PEPD: variants seen among roughly 807,000 people sequenced by gnomAD.
The protein encoded by PEPD is xaa-Pro dipeptidase.
A neutral mutation model predicts 60.7 loss-of-function variants in PEPD; 53 were observed. The observed-to-expected ratio is 0.87, with a 90% CI of 0.70 to 1.10. The LOEUF (loss-of-function observed/expected upper bound fraction) is 1.10. Ranked by LOEUF, PEPD falls within the 50% of genes least tolerant of loss-of-function variation. The probability of loss-of-function intolerance (pLI) is 0.00; values close to 1 mark genes in which losing one functional copy is unlikely to be tolerated. For missense variants in PEPD, 711 were observed against 711.9 expected (o/e 1.00, Z 0.01); for synonymous variants, 267 against 284.1 (o/e 0.94, Z 0.60).
intron 3 of PEPD, 129 bp downstream of exon 3, chr19:33,510,899 T>C: frequency 1.0e-6 from 1 of 957,090 alleles, no homozygotes; most frequent in Non-Finnish European, 1.6e-6. Flanking sequence ...CCTGACCGCA[T>C]GCCCTTCCTC....
At chr19:33,486,521 A>T (rs1167029025) in intron 6 of PEPD, among the ~76,000 whole-genome samples, 1 of 151,856 alleles carries the variant, frequency 6.6e-6, no homozygotes, top group African/African-American at 2.4e-5. Context: ...CTCAGTCCAC[A>T]GGGTCTCTCT....
intron 12 of PEPD, among the ~76,000 whole-genome samples, chr19:33,394,159 G>A (rs1968308827): frequency 6.6e-6 from 1 of 152,232 alleles, no homozygotes; most frequent in Non-Finnish European, 1.5e-5. Flanking sequence ...CATGGGGCTG[G>A]GAGGCCTCCT....
intron 6 of PEPD, among the ~76,000 whole-genome samples, chr19:33,482,433 G>C (rs1366476661): frequency 6.6e-6 from 1 of 152,166 alleles, no homozygotes; most frequent in East Asian, 1.9e-4. Context: ...GGAGGGAAGG[G>C]AACTTCTTCA....
chr19:33,455,565 T>A (rs1002140854), intron 9 of PEPD, among the ~76,000 whole-genome samples: 1 of 151,858 alleles, frequency 6.6e-6, no homozygotes, highest in African/African-American at 2.4e-5. Flanking sequence ...TGCAGTGGTG[T>A]GATCATAGCT....
chr19:33,387,942 C>A lies in PEPD; in HGVS notation c.1292G>T (p.Arg431Leu). ...GACCTCGCGGTTAAGGAAGGAGGCG[C>A]GGGCCGGGTCCGCCAGGGCCTCATC... Reference protein sequence around the residue: ...LLDEALADPARASFLNREVLQ... With the variant: ...LLDEALADPALASFLNREVLQ... The change falls in exon 14 of 15, where the codon CGC becomes CTC. Residue 431 changes from arginine to leucine, a missense_variant. Arg to Leu is a moderately radical substitution (Grantham distance 102). Coordinates refer to ENST00000244137, the MANE Select transcript of PEPD (RefSeq NM_000285.4). 2 of 1,597,440 alleles carry A rather than the reference C, an allele frequency of 1.3e-6. No individual in the cohort carries two copies. Among genetic ancestry groups the A allele is most frequent in the East Asian group, 2.3e-5 (1 of 44,196 alleles).
intron 7 of PEPD, among the ~76,000 whole-genome samples, chr19:33,475,631 T>C (rs566140236): frequency 3.3e-5 from 5 of 152,162 alleles, no homozygotes; most frequent in Non-Finnish European, 7.3e-5. Context: ...ATTAATGACT[T>C]ATCCCTTAGG....
intron 11 of PEPD, among the ~76,000 whole-genome samples, chr19:33,409,073 G>C (rs1968704647): frequency 6.6e-6 from 1 of 152,282 alleles, no homozygotes; most frequent in South Asian, 2.1e-4. Flanking sequence ...CTGCAGCTGG[G>C]AGATGCAGGT....
At chr19:33,436,213 AG>A (rs1969373157) in intron 9 of PEPD, among the ~76,000 whole-genome samples, 5 of 145,136 alleles carry the variant, frequency 3.4e-5, no homozygotes, top group Non-Finnish European at 7.6e-5. Context: ...GAAAGAGAAG[AG>A]GGAGAGGGAG....
intron 4 of PEPD, among the ~76,000 whole-genome samples, chr19:33,493,645 C>T (rs10406106): frequency 0.013 from 1,944 of 152,246 alleles, 49 homozygotes; most frequent in African/African-American, 0.044. Context: ...TACCCACCCT[C>T]CAAGGCCAGC....
chr19:33,491,989 C>T (rs1013506724), intron 5 of PEPD, among the ~76,000 whole-genome samples: 22 of 141,912 alleles, frequency 1.6e-4, no homozygotes, highest in African/African-American at 4.2e-4. Flanking sequence ...TCTAATTAGA[C>T]GGGGAGGAAA....
intron 4 of PEPD, among the ~76,000 whole-genome samples, chr19:33,496,579 T>C (rs1009901036): frequency 4.6e-5 from 7 of 152,228 alleles, no homozygotes; most frequent in Non-Finnish European, 1.0e-4. Flanking sequence ...CGACGCGCTG[T>C]GCGTTGCTGG....
At chr19:33,475,207 T>C (rs1017295923) in intron 7 of PEPD, among the ~76,000 whole-genome samples, 2 of 151,162 alleles carry the variant, frequency 1.3e-5, no homozygotes, top group African/African-American at 4.9e-5. Context: ...TGTGCCCGAG[T>C]TGATGGTTTC....
intron 1 of PEPD, among the ~76,000 whole-genome samples, chr19:33,514,896 G>A (rs1055142587): frequency 4.6e-5 from 7 of 151,960 alleles, no homozygotes; most frequent in African/African-American, 1.4e-4. Context: ...CTTAACGTTC[G>A]CACAGCTCTG....
intron 9 of PEPD, among the ~76,000 whole-genome samples, chr19:33,440,299 C>T (rs774158877): frequency 2.6e-5 from 4 of 152,278 alleles, no homozygotes; most frequent in Admixed American, 2.0e-4. Flanking sequence ...CTTCCCACAA[C>T]ACCCAGCCCT....
chr19:33,445,517 T>C (rs1026863899), intron 9 of PEPD, among the ~76,000 whole-genome samples: 2 of 152,136 alleles, frequency 1.3e-5, no homozygotes, highest in South Asian at 2.1e-4. Context: ...CAGGGATGCG[T>C]GCACACAGAG....
At chr19:33,456,430 TG>T (rs1226715330) in intron 9 of PEPD, among the ~76,000 whole-genome samples, 1 of 152,172 alleles carries the variant, frequency 6.6e-6, no homozygotes, top group Non-Finnish European at 1.5e-5. Context: ...TCCTAGGGCT[TG>T]GACACGCAGA....
chr19:33,502,157 G>T (rs1043122574), intron 3 of PEPD, among the ~76,000 whole-genome samples: 1 of 152,150 alleles, frequency 6.6e-6, no homozygotes, highest in African/African-American at 2.4e-5. Context: ...CTGCACAGGG[G>T]AGACACTGAG....
chr19:33,393,391 C>T (rs1280007223), intron 12 of PEPD, among the ~76,000 whole-genome samples: 1 of 152,056 alleles, frequency 6.6e-6, no homozygotes, highest in Non-Finnish European at 1.5e-5. Context: ...CACACACACC[C>T]CTGGCTGGCC....
intron 13 of PEPD, chr19:33,389,017 GGCTGCACTCCCTCCCCAGGAAGCCCA>G (rs1968148090): frequency 6.6e-6 from 1 of 152,368 alleles, no homozygotes; most frequent in Admixed American, 6.5e-5. Context: ...TGCCCTGCCC[GGCTGCACTCCCTCCCCAGGAAGCCCA>G]GCTGCTGGAG....
Sources: gnomAD v4.1 joint callset for allele counts (sites outside exome capture counted in the v4.1 genomes callset) on GRCh38, gnomAD v4.1.1 for gene constraint, MANE v1.5 for transcripts, NCBI Gene and HGNC (gene_info 2026-07-23, HGNC 2026-07-21) for gene names.